The following EIF4G3 variants were observed in gnomAD, a reference collection of about 807,000 sequenced individuals.
EIF4G3 encodes eukaryotic translation initiation factor 4 gamma 3, also known as eIF-4-gamma 3.
A neutral mutation model predicts 186.4 loss-of-function variants in EIF4G3; 34 were observed. The ratio of observed to expected loss-of-function variants is 0.18; its 90% CI spans 0.14 to 0.24. The LOEUF (loss-of-function observed/expected upper bound fraction) is 0.24, where lower values mean the gene tolerates loss of function less well. EIF4G3 is among the 10% of genes least tolerant of loss of function. The probability of loss-of-function intolerance (pLI) is 1.00; values close to 1 mark genes in which losing one functional copy is unlikely to be tolerated. For missense variants in EIF4G3, 1,536 were observed against 1,948.5 expected, an observed-to-expected ratio of 0.79 and a Z score of 3.99; for synonymous variants, 673 against 679.5, an observed-to-expected ratio of 0.99 and a Z score of 0.15.
intron 2 of EIF4G3, among the ~76,000 whole-genome samples, chr1:21,127,495 C>A (rs2097068959): frequency 6.6e-6 from 1 of 152,152 alleles, no homozygotes; most frequent in Non-Finnish European, 1.5e-5. Flanking sequence ...TGTTTTTATT[C>A]ATTGCTATAT....
At chr1:21,150,728 G>A (rs1316964089) in intron 2 of EIF4G3, among the ~76,000 whole-genome samples, 1 of 152,218 alleles carries the variant, frequency 6.6e-6, no homozygotes, top group Non-Finnish European at 1.5e-5. Context: ...TGTAATCCCA[G>A]CACTTTGGGA....
chr1:20,932,415 T>C (rs1357454669), intron 14 of EIF4G3, among the ~76,000 whole-genome samples: 1 of 152,148 alleles, frequency 6.6e-6, no homozygotes. Flanking sequence ...CATTCACAAC[T>C]TTACTGTCTC....
At chr1:20,841,989 C>T (rs947174878) in intron 29 of EIF4G3, among the ~76,000 whole-genome samples, 1 of 151,094 alleles carries the variant, frequency 6.6e-6, no homozygotes, top group Non-Finnish European at 1.5e-5. Context: ...CTTTTTCCTC[C>T]CTGCTCCTTT....
intron 13 of EIF4G3, among the ~76,000 whole-genome samples, chr1:20,943,740 T>C (rs988813265): frequency 2.0e-5 from 3 of 152,344 alleles, no homozygotes; most frequent in South Asian, 2.1e-4. Flanking sequence ...ATCAGATAAA[T>C]AGGTATTAAA....
intron 12 of EIF4G3, among the ~76,000 whole-genome samples, chr1:20,956,308 G>C (rs942396359): frequency 6.6e-6 from 1 of 152,194 alleles, no homozygotes; most frequent in Non-Finnish European, 1.5e-5. Flanking sequence ...ATAGTGAAGA[G>C]ACACTGGATA....
chr1:20,821,772 T>G (rs894857058), intron 33 of EIF4G3, among the ~76,000 whole-genome samples: 2 of 152,180 alleles, frequency 1.3e-5, no homozygotes, highest in Non-Finnish European at 2.9e-5. Flanking sequence ...TTCTCTATTA[T>G]GTATACTTCT....
At chr1:20,976,125 C>G (rs2076804090) in intron 10 of EIF4G3, among the ~76,000 whole-genome samples, 1 of 150,524 alleles carries the variant, frequency 6.6e-6, no homozygotes, top group African/African-American at 2.5e-5. Context: ...AACACACACA[C>G]AGAGGTTTTT....
chr1:20,820,474 C>T (rs948935970), intron 33 of EIF4G3, among the ~76,000 whole-genome samples: 3 of 152,136 alleles, frequency 2.0e-5, no homozygotes, highest in African/African-American at 7.2e-5. Flanking sequence ...AGCCCCAGGG[C>T]CATGAATGGC....
At chr1:20,849,046 CAAAAAAAAAAAAAAA>C (rs60344352) in intron 29 of EIF4G3, among the ~76,000 whole-genome samples, 2 of 17,400 alleles carry the variant, frequency 1.1e-4, no homozygotes, top group South Asian at 2.7e-3. Flanking sequence ...GACTCTGTCT[CAAAAAAAAAAAAAAA>C]AAAAAAAAAA....
intron 34 of EIF4G3, 103 bp downstream of exon 34, chr1:20,817,289 A>AATAAAATAAATAAAT: frequency 6.8e-6 from 2 of 295,660 alleles, no homozygotes; most frequent in Non-Finnish European, 1.0e-5. Flanking sequence ...AAAAAAAATA[A>AATAAAATAAATAAAT]AAATAAAAAT....
chr1:21,145,782 AAAAATT>A (rs1311522831), intron 2 of EIF4G3, among the ~76,000 whole-genome samples: 2 of 152,138 alleles, frequency 1.3e-5, no homozygotes, highest in Admixed American at 6.6e-5. Flanking sequence ...CTCAAAGGCT[AAAAATT>A]ACAGTAAATG....
chr1:20,928,162 A>G (rs1485073910), intron 14 of EIF4G3, among the ~76,000 whole-genome samples: 1 of 152,192 alleles, frequency 6.6e-6, no homozygotes, highest in East Asian at 1.9e-4. Flanking sequence ...GTAAAGTAAT[A>G]AGACAGAATA....
intron 33 of EIF4G3, among the ~76,000 whole-genome samples, chr1:20,820,947 C>T (rs2062191804): frequency 6.6e-6 from 1 of 152,042 alleles, no homozygotes; most frequent in South Asian, 2.1e-4. Flanking sequence ...GGACAACCTG[C>T]CTACTAGAGA....
chr1:20,991,926 T>A (rs949080988), intron 7 of EIF4G3, among the ~76,000 whole-genome samples: 1 of 152,212 alleles, frequency 6.6e-6, no homozygotes, highest in African/African-American at 2.4e-5. Flanking sequence ...AGGTACTTTA[T>A]CCTCACCACA....
At chr1:20,830,705 C>A (rs1370601354) in intron 30 of EIF4G3, among the ~76,000 whole-genome samples, 6 of 152,072 alleles carry the variant, frequency 3.9e-5, no homozygotes, top group African/African-American at 1.5e-4. Flanking sequence ...ATAAAATATA[C>A]CCATATTCTT....
At position 20,884,186 on chromosome 1, in the gene EIF4G3, ATTTGT is replaced by A. The variant is rs572524031; in HGVS notation, c.2424+2010_2424+2014del. On this transcript the variant is annotated intron_variant, in intron 19 of 36. Transcript: ENST00000602326. ...AGGAATTTTAAAAATTCTCCATTAG[ATTTGT>A]TTTATCTACTTACTAAAGAAAACCT... Among the ~76,000 whole-genome samples, 245 of 152,312 alleles carry A rather than the reference ATTTGT, an allele frequency of 1.6e-3. 1 individual carries two copies. Among genetic ancestry groups the A allele is most frequent in the Non-Finnish European group, 3.0e-3 (206 of 68,028 alleles).
At chr1:21,164,804 C>A (rs547482516) in intron 2 of EIF4G3, among the ~76,000 whole-genome samples, 1 of 152,210 alleles carries the variant, frequency 6.6e-6, no homozygotes, top group South Asian at 2.1e-4. Context: ...TTCGAGGCTG[C>A]AGTGAGATCT....
At chr1:21,110,266 A>G (rs1032846069) in intron 2 of EIF4G3, among the ~76,000 whole-genome samples, 6 of 152,088 alleles carry the variant, frequency 3.9e-5, no homozygotes, top group Non-Finnish European at 5.9e-5. Context: ...TCTAAATGCT[A>G]TAATTCAGCA....
chr1:20,894,111 G>A (rs887092316), intron 17 of EIF4G3, among the ~76,000 whole-genome samples: 10 of 152,070 alleles, frequency 6.6e-5, no homozygotes, highest in African/African-American at 1.7e-4. Flanking sequence ...AGTCTTAGAG[G>A]AGACATGTTT....
Sources: gnomAD v4.1 joint callset for allele counts (sites outside exome capture counted in the v4.1 genomes callset) on GRCh38, gnomAD v4.1.1 for gene constraint, MANE v1.5 for transcripts, NCBI Gene and HGNC (gene_info 2026-07-23, HGNC 2026-07-21) for gene names.